The following GALNTL6 variants were observed in gnomAD, a reference collection of about 807,000 sequenced individuals.
GALNTL6 encodes the protein polypeptide N-acetylgalactosaminyltransferase like 6.
In GALNTL6, 46 loss-of-function variants were observed where a neutral mutation model predicts 73.7. That is an observed-to-expected ratio of 0.62 (90% CI 0.49 to 0.80). The LOEUF is 0.80. Ranked by LOEUF, GALNTL6 falls within the 30% of genes least tolerant of loss-of-function variation. The pLI, the probability that GALNTL6 is intolerant of heterozygous loss-of-function variation, is 0.00. For synonymous variants in GALNTL6, 259 were observed against 263.7 expected (o/e 0.98, Z 0.17); for missense variants, 604 against 755.0 (o/e 0.80, Z 2.34).
At chr4:172,239,427 ATTGT>A (rs1737345424) in intron 3 of GALNTL6, among the ~76,000 whole-genome samples, 1 of 152,118 alleles carries the variant, frequency 6.6e-6, no homozygotes. Flanking sequence ...TTTCTGTGAG[ATTGT>A]TTGTAATGTC....
chr4:172,727,458 C>A (rs1474321797), intron 5 of GALNTL6, among the ~76,000 whole-genome samples: 1 of 152,140 alleles, frequency 6.6e-6, no homozygotes, highest in Non-Finnish European at 1.5e-5. Context: ...AACAATGAGG[C>A]ATGAGATATG....
At chr4:171,978,889 T>C (rs77812587) in intron 2 of GALNTL6, among the ~76,000 whole-genome samples, 2,579 of 152,298 alleles carry the variant, frequency 0.017, 70 homozygotes, top group African/African-American at 0.059. Context: ...TATCTACATA[T>C]ACATATAAAT....
intron 2 of GALNTL6, among the ~76,000 whole-genome samples, chr4:172,194,876 C>T (rs562489741): frequency 1.3e-5 from 2 of 152,224 alleles, no homozygotes; most frequent in African/African-American, 2.4e-5. Flanking sequence ...CACTATGAAG[C>T]AACTACATTA....
At chr4:172,055,729 A>C (rs1532856) in intron 2 of GALNTL6, among the ~76,000 whole-genome samples, 121,080 of 152,034 alleles carry the variant, frequency 0.8, 48,683 homozygotes, top group Non-Finnish European at 0.85. Context: ...CACATGACAA[A>C]GTAATAACAC....
intron 5 of GALNTL6, among the ~76,000 whole-genome samples, chr4:172,797,802 G>A (rs1423166326): frequency 1.3e-5 from 2 of 152,124 alleles, no homozygotes; most frequent in Non-Finnish European, 2.9e-5. Context: ...ACCTCCCAAA[G>A]TGCTGAGATT....
At chr4:172,323,301 A>G (rs1740822426) in intron 4 of GALNTL6, among the ~76,000 whole-genome samples, 1 of 152,148 alleles carries the variant, frequency 6.6e-6, no homozygotes, top group South Asian at 2.1e-4. Flanking sequence ...AAGCAAAATA[A>G]ATTACTAGAT....
intron 3 of GALNTL6, among the ~76,000 whole-genome samples, chr4:172,254,360 TTTAA>T (rs1737997168): frequency 6.6e-6 from 1 of 151,830 alleles, no homozygotes; most frequent in African/African-American, 2.4e-5. Context: ...GAGGCCATCT[TTTAA>T]CTCAGTTCTG....
chr4:172,324,574 G>A (rs1284742161), intron 4 of GALNTL6, among the ~76,000 whole-genome samples: 1 of 150,814 alleles, frequency 6.6e-6, no homozygotes, highest in African/African-American at 2.4e-5. Context: ...CAATAAACAG[G>A]CTTAATTTAT....
chr4:171,856,562 C>T (rs1197427178), intron 2 of GALNTL6, among the ~76,000 whole-genome samples: 1 of 152,072 alleles, frequency 6.6e-6, no homozygotes, highest in Non-Finnish European at 1.5e-5. Flanking sequence ...ATATTTAGGC[C>T]TGTGATCTAT....
At chr4:172,602,406 A>G in intron 5 of GALNTL6, among the ~76,000 whole-genome samples, 1 of 151,368 alleles carries the variant, frequency 6.6e-6, no homozygotes, top group East Asian at 1.9e-4. Context: ...TATGTATAAC[A>G]GTACTATAAA....
intron 12 of GALNTL6, among the ~76,000 whole-genome samples, chr4:173,038,400 G>A (rs1249858366): frequency 1.3e-5 from 2 of 152,160 alleles, no homozygotes; most frequent in Non-Finnish European, 2.9e-5. Context: ...GCTGCAGCCT[G>A]CATTCTCCTT....
At chr4:172,298,535 C>T (rs1739776525) in intron 3 of GALNTL6, among the ~76,000 whole-genome samples, 1 of 152,044 alleles carries the variant, frequency 6.6e-6, no homozygotes, top group Non-Finnish European at 1.5e-5. Flanking sequence ...ACCATCAATA[C>T]CTAATTTCAA....
chr4:172,951,923 C>A, intron 9 of GALNTL6, 114 bp from the exon 10 acceptor site: 1 of 738,782 alleles, frequency 1.4e-6, no homozygotes, highest in Non-Finnish European at 2.2e-6. Context: ...CCAACCAGGG[C>A]TGCCTGAGGT....
chr4:172,103,803 A>T (rs1229846666), intron 2 of GALNTL6, among the ~76,000 whole-genome samples: 1 of 152,194 alleles, frequency 6.6e-6, no homozygotes, highest in East Asian at 1.9e-4. Flanking sequence ...TCTCATTTTC[A>T]AAAGGGAGGC....
At position 172,069,619 on chromosome 4, in the gene GALNTL6, CATAT is replaced by C. The variant is rs369207012; in HGVS notation, c.139-160028_139-160025del. ...ACACATATATGTTATATATATATAA[CATAT>C]ATATATATCCTAAATTTCCTCATAC... On this transcript the variant is annotated intron_variant, in intron 2 of 12. Coordinates refer to ENST00000506823, the MANE Select transcript of GALNTL6 (RefSeq NM_001034845.3). Among the ~76,000 whole-genome samples, 6 of 6,454 alleles carry C rather than the reference CATAT, an allele frequency of 9.3e-4. 1 individual carries two copies. The highest frequency in any genetic ancestry group is 3.4e-3 in the Admixed American group (2 of 580). 4.2% of individuals were successfully genotyped at this position (6,454 alleles called of 152,430 possible).
chr4:171,847,116 CCTT>C (rs1236639230), intron 2 of GALNTL6, among the ~76,000 whole-genome samples: 4 of 151,690 alleles, frequency 2.6e-5, no homozygotes, highest in African/African-American at 7.3e-5. Flanking sequence ...GTAGAACACA[CCTT>C]CTGTGAGTAA....
Position 171,814,598 on chromosome 4 carries a change from G to T in GALNTL6, c.18G>T (p.Lys6Asn), listed in dbSNP as rs768525056. 5.0e-6 allele frequency: 8 copies of T among 1,614,022 alleles called. No individual in the cohort carries two copies. Among genetic ancestry groups the T allele is most frequent in the African/African-American group, 1.3e-5 (1 of 74,918 alleles). The change falls in exon 2 of 13, where the codon AAG becomes AAT. Residue 6 changes from lysine (K) to asparagine (N), a missense_variant. Coordinates refer to ENST00000506823, the MANE Select transcript of GALNTL6 (RefSeq NM_001034845.3). The part of the protein sequence containing the change: MKRKQ[K>N]RFLQMTLLFT... ...CATTTGCAATGAAGAGGAAACAGAA[G>T]AGATTTCTGCAGATGACTTTGTTGT...
intron 5 of GALNTL6, among the ~76,000 whole-genome samples, chr4:172,618,964 C>T (rs961642170): frequency 3.3e-5 from 5 of 152,110 alleles, no homozygotes; most frequent in Non-Finnish European, 7.4e-5. Flanking sequence ...CCTCATGATC[C>T]GCCTGCCTCG....
chr4:172,756,856 T>G (rs1737784634), intron 5 of GALNTL6, among the ~76,000 whole-genome samples: 1 of 152,150 alleles, frequency 6.6e-6, no homozygotes, highest in Admixed American at 6.5e-5. Flanking sequence ...AAGGGTGAAA[T>G]AATACACCCT....
Sources: allele counts gnomAD v4.1 joint callset (sites outside exome capture counted in the v4.1 genomes callset), GRCh38; gene constraint gnomAD v4.1.1; transcripts MANE v1.5; gene names NCBI Gene and HGNC (gene_info 2026-07-23, HGNC 2026-07-21).